Variants in NKAIN2 observed in about 807,000 individuals in gnomAD.
NKAIN2 encodes sodium/potassium transporting ATPase interacting 2.
NKAIN2 carries 14 observed loss-of-function variants against 32.6 expected under a neutral mutation model. That is an observed-to-expected ratio of 0.43 (90% CI 0.28 to 0.67). The LOEUF (loss-of-function observed/expected upper bound fraction) is 0.67, where lower values mean the gene tolerates loss of function less well. Ranked by LOEUF, NKAIN2 falls within the 30% of genes least tolerant of loss-of-function variation. The pLI is 0.17. For missense variants in NKAIN2, 198 were observed against 258.3 expected, an observed-to-expected ratio of 0.77 and a Z score of 1.60; for synonymous variants, 80 against 87.2, an observed-to-expected ratio of 0.92 and a Z score of 0.46.
intron 1 of NKAIN2, among the ~76,000 whole-genome samples, chr6:124,240,790 T>C (rs895769085): frequency 2.0e-5 from 3 of 152,146 alleles, no homozygotes; most frequent in African/African-American, 7.2e-5. Flanking sequence ...CAGTATCATA[T>C]TGAATGGGCA....
At chr6:124,540,764 C>A (rs1779882759) in intron 3 of NKAIN2, among the ~76,000 whole-genome samples, 1 of 152,166 alleles carries the variant, frequency 6.6e-6, no homozygotes, top group African/African-American at 2.4e-5. Flanking sequence ...CGGTTTTTCA[C>A]TTTCATTATA....
chr6:124,020,001 C>T (rs1366468085), intron 1 of NKAIN2, among the ~76,000 whole-genome samples: 1 of 152,082 alleles, frequency 6.6e-6, no homozygotes, highest in Non-Finnish European at 1.5e-5. Flanking sequence ...AGAAGATAGG[C>T]ATTGTATTGC....
chr6:124,320,241 TTTTAA>T (rs756133473), intron 2 of NKAIN2, among the ~76,000 whole-genome samples: 43 of 152,166 alleles, frequency 2.8e-4, no homozygotes, highest in Non-Finnish European at 5.6e-4. Context: ...CCTATAAGGT[TTTTAA>T]TTTAAATTTC....
At chr6:124,176,455 T>G (rs1789162644) in intron 1 of NKAIN2, among the ~76,000 whole-genome samples, 1 of 152,166 alleles carries the variant, frequency 6.6e-6, no homozygotes, top group Non-Finnish European at 1.5e-5. Context: ...TTATTTTGCC[T>G]TTCCAAATTG....
chr6:124,709,456 A>G (rs1488885153), intron 4 of NKAIN2, among the ~76,000 whole-genome samples: 4 of 151,754 alleles, frequency 2.6e-5, no homozygotes, highest in Non-Finnish European at 4.4e-5. Flanking sequence ...TCGGCTGTGA[A>G]TCCATCTGGT....
chr6:124,416,332 A>T (rs1393795258), intron 3 of NKAIN2, among the ~76,000 whole-genome samples: 1 of 152,192 alleles, frequency 6.6e-6, no homozygotes, highest in African/African-American at 2.4e-5. Context: ...AAAATTTGGA[A>T]TTCAGTAGCA....
intron 1 of NKAIN2, among the ~76,000 whole-genome samples, chr6:124,106,116 C>T (rs1215084849): frequency 5.9e-5 from 9 of 152,104 alleles, no homozygotes; most frequent in African/African-American, 1.9e-4. Context: ...GCTATATAAC[C>T]AATAAATGGA....
chr6:124,568,331 TGAAG>T (rs1267890986), intron 3 of NKAIN2, among the ~76,000 whole-genome samples: 1 of 152,180 alleles, frequency 6.6e-6, no homozygotes, highest in Non-Finnish European at 1.5e-5. Flanking sequence ...ATTTAACAAA[TGAAG>T]GGAGGATTAC....
chr6:124,235,661 C>T (rs540055866), intron 1 of NKAIN2, among the ~76,000 whole-genome samples: 1 of 150,902 alleles, frequency 6.6e-6, no homozygotes, highest in African/African-American at 2.4e-5. Context: ...TGCAATGGTG[C>T]GGTCTTAGCT....
intron 2 of NKAIN2, among the ~76,000 whole-genome samples, chr6:124,340,052 G>A (rs557756571): frequency 3.8e-4 from 58 of 152,084 alleles, no homozygotes; most frequent in African/African-American, 1.4e-3. Flanking sequence ...TCAACATAGG[G>A]AAAGCCCCTT....
At chr6:124,490,516 A>G (rs374104247) in intron 3 of NKAIN2, 2 of 339,398 alleles carry the variant, frequency 5.9e-6, no homozygotes. Context: ...TTTAAATACA[A>G]ATACCCAAGT....
chr6:124,710,856 A>T (rs1775408704), intron 4 of NKAIN2, among the ~76,000 whole-genome samples: 1 of 149,512 alleles, frequency 6.7e-6, no homozygotes, highest in South Asian at 2.2e-4. Context: ...GTTATGTGTG[A>T]ATTTGATCCT....
chr6:124,084,730 T>C (rs1483507059), intron 1 of NKAIN2, among the ~76,000 whole-genome samples: 1 of 152,026 alleles, frequency 6.6e-6, no homozygotes, highest in Non-Finnish European at 1.5e-5. Flanking sequence ...TTGGCATGTC[T>C]AGAACTGAAG....
At chr6:124,483,308 A>G (rs563607160) in intron 3 of NKAIN2, among the ~76,000 whole-genome samples, 3 of 152,282 alleles carry the variant, frequency 2.0e-5, no homozygotes, top group Non-Finnish European at 4.4e-5. Flanking sequence ...AATAAAATGT[A>G]TTTTGCATCT....
chr6:123,820,659 G>T (rs939171432), intron 1 of NKAIN2, among the ~76,000 whole-genome samples: 2 of 152,134 alleles, frequency 1.3e-5, no homozygotes, highest in African/African-American at 4.8e-5. Flanking sequence ...TGTACATCAT[G>T]AGTGGAGATC....
chr6:124,191,448 A>G (rs761690641), intron 1 of NKAIN2, among the ~76,000 whole-genome samples: 2 of 152,030 alleles, frequency 1.3e-5, no homozygotes, highest in Non-Finnish European at 2.9e-5. Flanking sequence ...CTATTTTTCC[A>G]TATTAGTCAC....
rs1440947012 is a variant in NKAIN2 at position 123,913,821 on chromosome 6, T to C, written c.54+109567T>C. Among the ~76,000 whole-genome samples the C allele has an allele frequency of 2.6e-5, 4 of 152,304 alleles. No individual in the cohort carries two copies. The South Asian group carries it at 6.2e-4, about 24-fold the overall frequency. On this transcript the variant is annotated intron_variant, in intron 1 of 6. Coordinates refer to ENST00000368417, the MANE Select transcript of NKAIN2 (RefSeq NM_001040214.3). Reference sequence around the variant, plus strand: ...ACTGAAAGAAAAGAGAAAATAACTTTATATTGATTTTTTCATATGATTATA... The same window carrying C: ...ACTGAAAGAAAAGAGAAAATAACTTCATATTGATTTTTTCATATGATTATA...
chr6:124,475,153 G>A (rs955803372), intron 3 of NKAIN2, among the ~76,000 whole-genome samples: 2 of 151,904 alleles, frequency 1.3e-5, no homozygotes, highest in Non-Finnish European at 2.9e-5. Flanking sequence ...TGATTTTGAT[G>A]AGAACAGAAA....
intron 2 of NKAIN2, among the ~76,000 whole-genome samples, chr6:124,331,343 T>TATAAAAAAAAAAAAAAAAA (rs1797642289): frequency 2.0e-4 from 1 of 4,914 alleles, no homozygotes; most frequent in African/African-American, 9.7e-4. Flanking sequence ...CTACTAAATA[T>TATAAAAAAAAAAAAAAAAA]ACAAAAAAAA....
Sources: allele counts gnomAD v4.1 joint callset (sites outside exome capture counted in the v4.1 genomes callset), GRCh38; gene constraint gnomAD v4.1.1; transcripts MANE v1.5; gene names NCBI Gene and HGNC (gene_info 2026-07-23, HGNC 2026-07-21).